CAMK1D: variants seen among roughly 807,000 people sequenced by gnomAD.
The protein encoded by CAMK1D is calcium/calmodulin dependent protein kinase ID.
A neutral mutation model predicts 47.7 loss-of-function variants in CAMK1D; 9 were observed. The observed-to-expected ratio is 0.19, with a 90% confidence interval of 0.11 to 0.33. The LOEUF (loss-of-function observed/expected upper bound fraction) is 0.33. CAMK1D is among the 10% of genes least tolerant of loss of function. The pLI, the probability that CAMK1D is intolerant of heterozygous loss-of-function variation, is 1.00. For synonymous variants in CAMK1D, 184 were observed against 184.9 expected (o/e 0.99, Z 0.04); for missense variants, 291 against 488.7 (o/e 0.60, Z 3.81).
In CAMK1D at chr10:12,674,998, T is replaced by A. The variant is rs192573269; in HGVS notation, c.299+8188T>A. On this transcript the variant is annotated intron_variant, in intron 3 of 10. Coordinates refer to ENST00000619168, the MANE Select transcript of CAMK1D (RefSeq NM_153498.4). ...GTAAGCTGAGATCACACCACTGCAC[T>A]CCAGCCTGGGCGACAGAGCGAGACT... Among the ~76,000 whole-genome samples, 6 of 129,670 alleles carry A rather than the reference T, an allele frequency of 4.6e-5. No individual in the cohort carries two copies. The Admixed American group carries it at 5.6e-4, about 12-fold the overall frequency. 85.1% of individuals were successfully genotyped at this position (129,670 alleles called of 152,430 possible).
At chr10:12,625,336 C>CAAAAAA (rs869128579) in intron 2 of CAMK1D, among the ~76,000 whole-genome samples, 1 of 42,350 alleles carries the variant, frequency 2.4e-5, no homozygotes, top group Non-Finnish European at 6.5e-5. Flanking sequence ...ACTCCATGTA[C>CAAAAAA]AAAAAAAAAA....
chr10:12,819,870 A>C (rs944120983), intron 8 of CAMK1D, among the ~76,000 whole-genome samples: 2 of 151,980 alleles, frequency 1.3e-5, no homozygotes, highest in African/African-American at 4.8e-5. Flanking sequence ...GGCAGGGAGG[A>C]CTGTGAGTGA....
intron 3 of CAMK1D, among the ~76,000 whole-genome samples, chr10:12,744,040 T>A (rs1214991472): frequency 2.0e-5 from 3 of 151,044 alleles, no homozygotes; most frequent in Admixed American, 1.3e-4. Flanking sequence ...AAAAAAAAAA[T>A]TTGCCTTTTC....
intron 1 of CAMK1D, among the ~76,000 whole-genome samples, chr10:12,392,086 T>TGTG (rs549648831): frequency 7.4e-4 from 113 of 152,088 alleles, no homozygotes; most frequent in African/African-American, 2.6e-3. Flanking sequence ...GTGGATCACC[T>TGTG]GTGGTCAGGA....
chr10:12,665,868 C>T (rs112162343), intron 2 of CAMK1D, among the ~76,000 whole-genome samples: 12 of 152,372 alleles, frequency 7.9e-5, no homozygotes, highest in African/African-American at 2.2e-4. Flanking sequence ...AACCTGCTGA[C>T]GCAGGGCCTG....
chr10:12,536,641 G>C (rs1835980911), intron 1 of CAMK1D, among the ~76,000 whole-genome samples: 1 of 152,102 alleles, frequency 6.6e-6, no homozygotes, highest in Non-Finnish European at 1.5e-5. Context: ...CGAAGAGGGG[G>C]GTGTATCCTA....
At chr10:12,798,701 G>T (rs1239862621) in intron 6 of CAMK1D, among the ~76,000 whole-genome samples, 1 of 152,226 alleles carries the variant, frequency 6.6e-6, no homozygotes, top group Non-Finnish European at 1.5e-5. Context: ...TGAGAAAAGA[G>T]ATGCCATTCA....
chr10:12,827,468 G>GTCTTTCTTTCTTTCTTTCTTTCTTTCTT (rs1294410746), intron 10 of CAMK1D, among the ~76,000 whole-genome samples: 56 of 3,782 alleles, frequency 0.015, 12 homozygotes, highest in Admixed American at 0.028. Context: ...TTCTTTGTCT[G>GTCTTTCTTTCTTTCTTTCTTTCTTTCTT]TCTGTCTTTC....
chr10:12,501,504 A>G (rs1834702442), intron 1 of CAMK1D, among the ~76,000 whole-genome samples: 1 of 152,074 alleles, frequency 6.6e-6, no homozygotes, highest in African/African-American at 2.4e-5. Flanking sequence ...CCTTTCAGGT[A>G]TTTACATAGT....
At chr10:12,397,954 T>A (rs911842684) in intron 1 of CAMK1D, among the ~76,000 whole-genome samples, 1 of 152,200 alleles carries the variant, frequency 6.6e-6, no homozygotes, top group East Asian at 1.9e-4. Context: ...TCACCTGATT[T>A]CTAAAATAAT....
At chr10:12,515,019 T>A (rs958114334) in intron 1 of CAMK1D, among the ~76,000 whole-genome samples, 1 of 148,370 alleles carries the variant, frequency 6.7e-6, no homozygotes, top group Non-Finnish European at 1.5e-5. Flanking sequence ...CCTGGCTAAT[T>A]TTTTTTTTTT....
Position 12,491,024 on chromosome 10 carries a change from A to G in CAMK1D, c.93-62201A>G, listed in dbSNP as rs1056608622. 4.6e-5 allele frequency among the ~76,000 whole-genome samples: 7 copies of G among 152,298 alleles called. No individual in the cohort carries two copies. The South Asian group carries it at 1.4e-3, about 32-fold the overall frequency. On this transcript the variant is annotated intron_variant, in intron 1 of 10. Coordinates refer to ENST00000619168, the MANE Select transcript of CAMK1D (RefSeq NM_153498.4). ...TATAGGTGGGAATTTCTATGAAGGA[A>G]AATAAGGAAAATGGTTCTGTGCAGA...
chr10:12,693,802 G>A, intron 3 of CAMK1D, among the ~76,000 whole-genome samples: 1 of 145,996 alleles, frequency 6.8e-6, no homozygotes, highest in Admixed American at 7.3e-5. Flanking sequence ...CGATTCACTT[G>A]AGCTCAGGAA....
intron 1 of CAMK1D, among the ~76,000 whole-genome samples, chr10:12,477,245 G>T (rs529315839): frequency 6.6e-6 from 1 of 152,100 alleles, no homozygotes; most frequent in African/African-American, 2.4e-5. Context: ...GTGAAACCCC[G>T]TCTCTACTAA....
intron 1 of CAMK1D, among the ~76,000 whole-genome samples, chr10:12,451,794 A>G (rs900850510): frequency 1.3e-5 from 2 of 150,670 alleles, no homozygotes; most frequent in African/African-American, 4.9e-5. Flanking sequence ...TGTGTGTTGG[A>G]GAGTGGGTCA....
chr10:12,577,605 CTCTG>C (rs1450053842), intron 2 of CAMK1D, among the ~76,000 whole-genome samples: 2 of 152,184 alleles, frequency 1.3e-5, no homozygotes, highest in Non-Finnish European at 2.9e-5. Context: ...TTCAAAAAGT[CTCTG>C]TCTTTCTCTT....
intron 1 of CAMK1D, among the ~76,000 whole-genome samples, chr10:12,424,886 A>G (rs752154145): frequency 2.0e-5 from 3 of 152,154 alleles, no homozygotes; most frequent in Non-Finnish European, 2.9e-5. Flanking sequence ...GCATCATCTA[A>G]TAGAGGGTCC....
At chr10:12,517,705 T>C (rs1344409939) in intron 1 of CAMK1D, among the ~76,000 whole-genome samples, 1 of 151,858 alleles carries the variant, frequency 6.6e-6, no homozygotes, top group Non-Finnish European at 1.5e-5. Flanking sequence ...CCGCTTTGTA[T>C]TCTTGAAATG....
intron 1 of CAMK1D, among the ~76,000 whole-genome samples, chr10:12,395,207 G>T (rs1310723899): frequency 6.6e-6 from 1 of 151,500 alleles, no homozygotes; most frequent in African/African-American, 2.4e-5. Context: ...AGGTAGCTAG[G>T]TGCATACCAC....
Sources: gnomAD v4.1 joint callset for allele counts (sites outside exome capture counted in the v4.1 genomes callset) on GRCh38, gnomAD v4.1.1 for gene constraint, MANE v1.5 for transcripts, NCBI Gene and HGNC (gene_info 2026-07-23, HGNC 2026-07-21) for gene names.